C2CD2: variants seen among roughly 807,000 people sequenced by gnomAD.
C2CD2 encodes the protein C2 calcium dependent domain containing 2.
A neutral mutation model predicts 74.3 loss-of-function variants in C2CD2; 43 were observed. The observed-to-expected ratio is 0.58, with a 90% CI of 0.45 to 0.75. The LOEUF is 0.75. Among genes scored for constraint, C2CD2 ranks in the 30% least tolerant of loss-of-function variants. C2CD2 has a pLI of 0.00. For missense variants in C2CD2, 801 were observed against 916.3 expected (o/e 0.87, Z 1.63); for synonymous variants, 422 against 390.7 (o/e 1.08, Z -0.94).
chr21:41,928,695 C>T (rs1026284684), intron 2 of C2CD2, among the ~76,000 whole-genome samples: 1 of 152,092 alleles, frequency 6.6e-6, no homozygotes, highest in African/African-American at 2.4e-5. Context: ...CCGCCCCCCA[C>T]CCCCCAATCC....
intron 12 of C2CD2, among the ~76,000 whole-genome samples, chr21:41,900,542 A>G (rs1285225546): frequency 6.6e-6 from 1 of 152,190 alleles, no homozygotes; most frequent in Non-Finnish European, 1.5e-5. Flanking sequence ...GGAGGGGCTC[A>G]GGAAGCCCCC....
chr21:41,928,316 G>A (rs113464345), intron 2 of C2CD2, among the ~76,000 whole-genome samples: 13 of 152,160 alleles, frequency 8.5e-5, no homozygotes, highest in African/African-American at 2.9e-4. Context: ...AGGCTGGCTC[G>A]GCCCAGAATT....
intron 2 of C2CD2, among the ~76,000 whole-genome samples, chr21:41,922,999 C>CT (rs34673101): frequency 1.1e-4 from 16 of 143,282 alleles, no homozygotes; most frequent in Admixed American, 1.4e-4. Context: ...AGTCTTTTTC[C>CT]TTTTTTTTTT....
chr21:41,899,805 T>G lies in C2CD2; in HGVS notation c.1561-443A>C, dbSNP rs1304671430. 6.6e-6 allele frequency among the ~76,000 whole-genome samples: 1 copy of G among 152,036 alleles called. No individual in the cohort carries two copies. Among genetic ancestry groups the G allele is most frequent in the Non-Finnish European group, 1.5e-5 (1 of 68,024 alleles). ...CTGCAAGTGGAAATTCACCGGCACA[T>G]CCTCTCAAAAATTATATTTTGTGTA... On this transcript the variant is annotated intron_variant, in intron 12 of 13. Transcript: ENST00000380486. The surrounding 1 kb of genome is among the most constrained non-coding windows in gnomAD (Gnocchi z 4.4).
At position 41,921,732 on chromosome 21, in the gene C2CD2, C is replaced by T. The variant is rs547751647; in HGVS notation, c.492+240G>A. ...TCATTCAAATGCCCGAAAGAGGCAACCCCTGAGTTTATTATAAATGTATGT... is the reference window on the plus strand; with the variant it reads ...TCATTCAAATGCCCGAAAGAGGCAATCCCTGAGTTTATTATAAATGTATGT... On this transcript the variant is annotated intron_variant, in intron 3 of 13. Transcript: ENST00000380486. 4.0e-5 allele frequency among the ~76,000 whole-genome samples: 6 copies of T among 151,304 alleles called. No homozygotes were observed. In the South Asian group the frequency reaches 1.0e-3, roughly 26 times the overall value.
At position 41,929,517 on chromosome 21, in the gene C2CD2, C is replaced by T. The variant is rs1460909201; in HGVS notation, c.379-7432G>A. 1.3e-5 allele frequency among the ~76,000 whole-genome samples: 2 copies of T among 152,212 alleles called. No homozygotes were observed. Among genetic ancestry groups the T allele is most frequent in the Admixed American group, 1.3e-4 (2 of 15,280 alleles). On this transcript the variant is annotated intron_variant, in intron 2 of 13. Transcript: ENST00000380486. This position sits in a 1 kb window ranked among gnomAD's most constrained non-coding sequence, Gnocchi z 4.6. Reference sequence around the variant, plus strand: ...AAAGAAGGAAGTGCCCTAAACGAGCCCAGATCCAATCAGGGTCTCCCTGGC... The same window carrying T: ...AAAGAAGGAAGTGCCCTAAACGAGCTCAGATCCAATCAGGGTCTCCCTGGC...
At position 41,926,138 on chromosome 21, in the gene C2CD2, C is replaced by A. The variant is rs2065208920; in HGVS notation, c.379-4053G>T. On this transcript the variant is annotated intron_variant, in intron 2 of 13. Coordinates refer to ENST00000380486, the MANE Select transcript of C2CD2 (RefSeq NM_015500.2). The surrounding 1 kb of genome is among the most constrained non-coding windows in gnomAD (Gnocchi z 8.0). ...CCCCCAGCCCCAGGGAAGAACTCCA[C>A]AGAGCCCAGGTCTGCATCTGCAGGA... 6.6e-6 allele frequency among the ~76,000 whole-genome samples: 1 copy of A among 152,254 alleles called. No homozygotes were observed. The highest frequency in any genetic ancestry group is 2.4e-5 in the African/African-American group (1 of 41,472).
Position 41,907,186 on chromosome 21 carries a change from C to CT in C2CD2, c.1144-21dup. The CT allele has an allele frequency of 6.2e-7, 1 of 1,611,478 alleles. No homozygotes were observed. The highest frequency in any genetic ancestry group is 8.5e-7 in the Non-Finnish European group (1 of 1,177,660). On this transcript the variant is annotated intron_variant, in intron 9 of 13. Transcript: ENST00000380486. ...AGAGAACTGCAGAGAAGACGCGTTACTTGTTTCTGGTTTTGTGGAAGTTGC... is the reference window on the plus strand; with the variant it reads ...AGAGAACTGCAGAGAAGACGCGTTACTTTGTTTCTGGTTTTGTGGAAGTTGC...
At chr21:41,916,693 A>C (rs920609901) in intron 5 of C2CD2, among the ~76,000 whole-genome samples, 44 of 151,016 alleles carry the variant, frequency 2.9e-4, no homozygotes, top group Non-Finnish European at 4.0e-4. Context: ...ACACACACAC[A>C]CACACACACA....
At chr21:41,953,336 T>C in intron 1 of C2CD2, 34 bp downstream of exon 1, 1 of 1,360,230 alleles carries the variant, frequency 7.4e-7, no homozygotes, top group Non-Finnish European at 9.6e-7. Flanking sequence ...CCCCGGCATC[T>C]GCCGCCCCCC....
In C2CD2 at chr21:41,930,357, GA is replaced by G. The variant is rs548386282; in HGVS notation, c.379-8273del. Among the ~76,000 whole-genome samples the G allele has an allele frequency of 1.7e-3, 259 of 149,848 alleles. 3 individuals carry two copies. Among genetic ancestry groups the G allele is most frequent in the African/African-American group, 5.9e-3 (245 of 41,304 alleles). On this transcript the variant is annotated intron_variant, in intron 2 of 13. Transcript: ENST00000380486. ...CAGGGGGAAGTGGAGAAAGAAAAGAGAAAAAAATAATAATAAACCAACAATA... is the reference window on the plus strand; with the variant it reads ...CAGGGGGAAGTGGAGAAAGAAAAGAGAAAAAATAATAATAAACCAACAATA...
At chr21:41,909,434 G>T in intron 8 of C2CD2, 25 bp downstream of exon 8, 1 of 1,568,396 alleles carries the variant, frequency 6.4e-7, no homozygotes, top group Non-Finnish European at 8.8e-7. Context: ...AGAGGGCGAG[G>T]CCTCTGTCCT....
intron 2 of C2CD2, among the ~76,000 whole-genome samples, chr21:41,925,709 A>G (rs1357594090): frequency 6.6e-6 from 1 of 152,248 alleles, no homozygotes; most frequent in Non-Finnish European, 1.5e-5. Context: ...CTCCCAACCC[A>G]TGCCAACAGT....
intron 2 of C2CD2, among the ~76,000 whole-genome samples, chr21:41,940,039 C>T (rs1215775246): frequency 5.9e-5 from 9 of 152,028 alleles, no homozygotes; most frequent in East Asian, 1.9e-4. Context: ...ATGTGATGCT[C>T]GAAGGAAATG....
At position 41,919,284 on chromosome 21, in the gene C2CD2, A is replaced by G. The variant is rs1458233301; in HGVS notation, c.493-324T>C. The stretch of plus-strand genomic sequence containing the variant: ...TGTGCGCATGTCTGCATCAGTGTGC[A>G]TGTGTGTATGTATGTGTGTACCTGC... On this transcript the variant is annotated intron_variant, in intron 3 of 13. Coordinates refer to ENST00000380486, the MANE Select transcript of C2CD2 (RefSeq NM_015500.2). Among the ~76,000 whole-genome samples, 3 of 152,126 alleles carry G rather than the reference A, an allele frequency of 2.0e-5. 1 individual carries two copies. The East Asian group carries it at 5.8e-4, about 29-fold the overall frequency.
At chr21:41,935,009 A>C (rs2065294838) in intron 2 of C2CD2, among the ~76,000 whole-genome samples, 1 of 152,152 alleles carries the variant, frequency 6.6e-6, no homozygotes. Flanking sequence ...CTCCTGCCTC[A>C]GCCTCCCAAG....
At position 41,895,245 on chromosome 21, in the gene C2CD2, T is replaced by C. The variant is rs373254343; in HGVS notation, c.1870+3808A>G. The stretch of plus-strand genomic sequence containing the variant: ...CTGCCTGCCCTGCGGATTTCAGACC[T>C]GTCAATCTCATGAGTCAGTTCCTTA... On this transcript the variant is annotated intron_variant, in intron 13 of 13. Coordinates refer to ENST00000380486, the MANE Select transcript of C2CD2 (RefSeq NM_015500.2). This position sits in a 1 kb window ranked among gnomAD's most constrained non-coding sequence, Gnocchi z 5.0. 2.0e-5 allele frequency among the ~76,000 whole-genome samples: 3 copies of C among 152,352 alleles called. No homozygotes were observed. Among genetic ancestry groups the C allele is most frequent in the African/African-American group, 4.8e-5 (2 of 41,564 alleles).
intron 13 of C2CD2, chr21:41,894,436 C>A (rs528113927): frequency 2.8e-6 from 1 of 361,558 alleles, no homozygotes; most frequent in Non-Finnish European, 5.4e-6. Context: ...TGTGACATTG[C>A]GCTTTCTGGC....
chr21:41,942,981 G>A (rs368708054), intron 1 of C2CD2: 1 of 981,298 alleles, frequency 1.0e-6, no homozygotes, highest in African/African-American at 1.7e-5. Context: ...GTCAGCTCAT[G>A]TCTGTTCTGG....
Sources: allele counts gnomAD v4.1 joint callset (sites outside exome capture counted in the v4.1 genomes callset), GRCh38; gene constraint gnomAD v4.1.1; non-coding constraint Gnocchi (gnomAD v3.1); transcripts MANE v1.5; gene names NCBI Gene and HGNC (gene_info 2026-07-23, HGNC 2026-07-21).